CPAMD8: variants seen among roughly 807,000 people sequenced by gnomAD.
CPAMD8 encodes the protein C3 and PZP like alpha-2-macroglobulin domain containing 8.
Under a neutral mutation model 224.7 loss-of-function variants are expected in CPAMD8, and 146 were observed. That is an observed-to-expected ratio of 0.65 (90% confidence interval 0.57 to 0.75). The LOEUF (loss-of-function observed/expected upper bound fraction) is 0.75, where lower values mean the gene tolerates loss of function less well. Ranked by LOEUF, CPAMD8 falls within the 30% of genes least tolerant of loss-of-function variation. The probability of loss-of-function intolerance (pLI) is 0.00; values close to 1 mark genes in which losing one functional copy is unlikely to be tolerated. For synonymous variants in CPAMD8, 966 were observed against 1,044.6 expected (o/e 0.92, Z 1.45); for missense variants, 2,301 against 2,537.5 (o/e 0.91, Z 2.00).
chr19:16,954,869 C>T (rs562099647), intron 19 of CPAMD8, among the ~76,000 whole-genome samples: 2 of 152,292 alleles, frequency 1.3e-5, no homozygotes, highest in African/African-American at 2.4e-5. Flanking sequence ...TGGCTCATGC[C>T]TGCAATCCCA....
chr19:16,980,396 C>G lies in CPAMD8; in HGVS notation c.1585+101G>C, dbSNP rs1343962326. On this transcript the variant is annotated intron_variant, in intron 14 of 41. Coordinates refer to ENST00000443236, the MANE Select transcript of CPAMD8 (RefSeq NM_015692.5). Reference sequence around the variant, plus strand: ...CCTCTGACCCAAGGCATGCTCCCCTCTCTGCTGGGTCTTGCCTTGTCCCTC... The same window carrying G: ...CCTCTGACCCAAGGCATGCTCCCCTGTCTGCTGGGTCTTGCCTTGTCCCTC... 5 of 1,120,618 alleles carry G rather than the reference C, an allele frequency of 4.5e-6. No individual in the cohort carries two copies. In the East Asian group the frequency reaches 1.2e-4, roughly 28 times the overall value. The allele number at this position is 1,120,618 out of a possible 1,614,324, so 69.4% of individuals were successfully genotyped here.
At chr19:16,916,168 G>A (rs1289051071) in intron 27 of CPAMD8, among the ~76,000 whole-genome samples, 2 of 151,930 alleles carry the variant, frequency 1.3e-5, no homozygotes, top group African/African-American at 2.4e-5. Context: ...GACGTGCCAC[G>A]ACATCCAGCG....
intron 23 of CPAMD8, among the ~76,000 whole-genome samples, chr19:16,931,202 T>C (rs1235600386): frequency 6.6e-6 from 1 of 151,926 alleles, no homozygotes; most frequent in Non-Finnish European, 1.5e-5. Context: ...CTGCCTACCA[T>C]AGCCAGCAAC....
rs1157389775 is a variant in CPAMD8, at chr19:16,906,383, TTTCTTTCTTTCTTTCTTTCTTTCTTTCC to T, written c.4027+541_4027+568del. On this transcript the variant is annotated intron_variant, in intron 30 of 41. Coordinates refer to ENST00000443236, the MANE Select transcript of CPAMD8 (RefSeq NM_015692.5). ...CTTTCTTTCTTTCTTTCTTTCTTTCTTTCTTTCTTTCTTTCTTTCTTTCTTTCCTTCCTTCCTTCCTTCCTTCCTTCCT... is the reference window on the plus strand; with the variant it reads ...CTTTCTTTCTTTCTTTCTTTCTTTCTTTCCTTCCTTCCTTCCTTCCTTCCT... Among the ~76,000 whole-genome samples, 494 of 76,796 alleles carry T rather than the reference TTTCTTTCTTTCTTTCTTTCTTTCTTTCC, an allele frequency of 6.4e-3. 7 individuals carry two copies. The highest frequency in any genetic ancestry group is 0.011 in the South Asian group (20 of 1,760). 50.4% of individuals were successfully genotyped at this position (76,796 alleles called of 152,430 possible).
intron 6 of CPAMD8, 130 bp from the exon 7 acceptor site, chr19:17,008,689 C>A: frequency 9.6e-7 from 1 of 1,043,554 alleles, no homozygotes; most frequent in South Asian, 1.3e-5. Context: ...CAAGATTAAT[C>A]ATTAACCCCG....
chr19:16,921,999 CA>C lies in CPAMD8; in HGVS notation c.3548-14del. ...TGGCGCTGGTAGCCTGTGGGGCAAGCAGAGAGGACCCTGTCCTGTTGAGTGG... is the reference window on the plus strand; with the variant it reads ...TGGCGCTGGTAGCCTGTGGGGCAAGCGAGAGGACCCTGTCCTGTTGAGTGG... On this transcript the variant is annotated splice_polypyrimidine_tract_variant and intron_variant, in intron 26 of 41. Coordinates refer to ENST00000443236, the MANE Select transcript of CPAMD8 (RefSeq NM_015692.5). 6.5e-7 allele frequency: 1 copy of C among 1,540,698 alleles called. No homozygotes were observed.
In CPAMD8 at chr19:16,960,143, T is replaced by G. The variant is rs538583242; in HGVS notation, c.2214-2228A>C. Among the ~76,000 whole-genome samples the G allele has an allele frequency of 7.9e-5, 12 of 151,964 alleles. No individual in the cohort carries two copies. The South Asian group carries it at 1.9e-3, about 24-fold the overall frequency. ...CTCTGTTTCCTAAGGAGTGCCTTCA[T>G]GCATTCTTGTTTGAGCCTCAGAAGC... On this transcript the variant is annotated intron_variant, in intron 18 of 41. Transcript: ENST00000443236.
rs1267231462 is a variant in CPAMD8 at position 16,947,310 on chromosome 19, T to C, written c.2509-83A>G. On this transcript the variant is annotated intron_variant, in intron 20 of 41. Coordinates refer to ENST00000443236, the MANE Select transcript of CPAMD8 (RefSeq NM_015692.5). ...GGAGGCCCAACACACATCCCACCAC[T>C]CACTGCACACACCAGACTTGTCAGC... The C allele has an allele frequency of 4.7e-6, 7 of 1,488,616 alleles. No individual in the cohort carries two copies. The Admixed American group carries it at 1.4e-4, about 29-fold the overall frequency. 92.2% of individuals were successfully genotyped at this position (1,488,616 alleles called of 1,614,324 possible). A position where few individuals can be genotyped will look rare whatever the true frequency, so the allele number is the denominator to read the frequency against.
intron 13 of CPAMD8, among the ~76,000 whole-genome samples, chr19:16,988,541 C>T (rs945579042): frequency 5.3e-5 from 8 of 151,822 alleles, no homozygotes; most frequent in Non-Finnish European, 2.9e-5. Context: ...ACCCTGGAGA[C>T]GGAAGTTGCA....
chr19:16,991,296 TAA>T, intron 12 of CPAMD8, among the ~76,000 whole-genome samples: 1 of 152,096 alleles, frequency 6.6e-6, no homozygotes, highest in South Asian at 2.1e-4. Context: ...GGTAAAGCTG[TAA>T]TTAAAAGGTG....
At chr19:16,944,310 T>A (rs1258394776) in intron 22 of CPAMD8, among the ~76,000 whole-genome samples, 1 of 152,196 alleles carries the variant, frequency 6.6e-6, no homozygotes, top group Non-Finnish European at 1.5e-5. Flanking sequence ...ATTTCAAGTC[T>A]TCTGATGCCT....
chr19:16,959,701 C>T lies in CPAMD8; in HGVS notation c.2214-1786G>A, dbSNP rs540692704. Among the ~76,000 whole-genome samples the T allele has an allele frequency of 2.4e-4, 37 of 151,954 alleles. No individual in the cohort carries two copies. In the East Asian group the frequency reaches 2.9e-3, roughly 12 times the overall value. On this transcript the variant is annotated intron_variant, in intron 18 of 41. Transcript: ENST00000443236. ...GATTACAGGCGTCCACCACCATGTCCGGCTAATTTTTGTATTTTTAGTAGA... is the reference window on the plus strand; with the variant it reads ...GATTACAGGCGTCCACCACCATGTCTGGCTAATTTTTGTATTTTTAGTAGA...
chr19:16,963,640 A>C (rs961062846), intron 18 of CPAMD8, among the ~76,000 whole-genome samples: 4 of 152,218 alleles, frequency 2.6e-5, no homozygotes, highest in Non-Finnish European at 4.4e-5. Context: ...TCAGTGAGAC[A>C]GAAGGTTAAC....
intron 23 of CPAMD8, among the ~76,000 whole-genome samples, chr19:16,937,809 C>T (rs950236104): frequency 7.2e-5 from 11 of 152,060 alleles, no homozygotes; most frequent in African/African-American, 2.2e-4. Context: ...CGTGCCACCA[C>T]GACCAGCTAA....
chr19:16,988,044 T>TAC lies in CPAMD8; in HGVS notation c.1395+1597_1395+1598dup, dbSNP rs1003877779. On this transcript the variant is annotated intron_variant, in intron 13 of 41. Transcript: ENST00000443236. ...TTAAGTCTATTAATTAAAAGAAAAA[T>TAC]ACACACACACACCTTATGTAATCAG... Among the ~76,000 whole-genome samples, 22 of 152,066 alleles carry TAC rather than the reference T, an allele frequency of 1.4e-4. No individual in the cohort carries two copies. In the East Asian group the frequency reaches 3.3e-3, roughly 23 times the overall value.
intron 8 of CPAMD8, among the ~76,000 whole-genome samples, chr19:17,003,207 T>G (rs1429425942): frequency 6.7e-6 from 1 of 149,518 alleles, no homozygotes; most frequent in East Asian, 2.0e-4. Flanking sequence ...CTGGCCACCT[T>G]TTTTTTTTTC....
At chr19:16,908,638 A>G (rs566620680) in intron 29 of CPAMD8, among the ~76,000 whole-genome samples, 47 of 152,348 alleles carry the variant, frequency 3.1e-4, no homozygotes, top group South Asian at 1.7e-3. Context: ...CTGGTGGCCC[A>G]ATAGAGGTAT....
chr19:16,922,474 C>A (rs1163850590), intron 26 of CPAMD8, among the ~76,000 whole-genome samples: 1 of 131,930 alleles, frequency 7.6e-6, no homozygotes, highest in Non-Finnish European at 1.6e-5. Context: ...CCACACCACA[C>A]CTGGGGTCCC....
rs1211168145 is a variant in CPAMD8 at position 16,893,011 on chromosome 19, T to C, written c.*97A>G. On this transcript the variant is annotated 3_prime_UTR_variant, in exon 42 of 42. Coordinates refer to ENST00000443236, the MANE Select transcript of CPAMD8 (RefSeq NM_015692.5). ...ATCCTGGAGTGATCATTTACCAGAG[T>C]TTTCTGAGATGTTAACCACAGGCAC... 2 of 773,220 alleles carry C rather than the reference T, an allele frequency of 2.6e-6. No homozygotes were observed. Among genetic ancestry groups the C allele is most frequent in the Non-Finnish European group, 4.8e-6 (2 of 414,606 alleles). The allele number at this position is 773,220 out of a possible 1,614,324, so 47.9% of individuals were successfully genotyped here. A position where few individuals can be genotyped will look rare whatever the true frequency, so the allele number is the denominator to read the frequency against.
Sources: gnomAD v4.1 joint callset for allele counts (sites outside exome capture counted in the v4.1 genomes callset) on GRCh38, gnomAD v4.1.1 for gene constraint, MANE v1.5 for transcripts, NCBI Gene and HGNC (gene_info 2026-07-23, HGNC 2026-07-21) for gene names.